The following CTNNA2 variants were observed in gnomAD, a reference collection of about 807,000 sequenced individuals.
CTNNA2 encodes catenin alpha-2.
A neutral mutation model predicts 101.0 loss-of-function variants in CTNNA2; 42 were observed. The observed-to-expected ratio is 0.42, with a 90% CI of 0.32 to 0.54. The LOEUF (loss-of-function observed/expected upper bound fraction) is 0.54. CTNNA2 is among the 20% of genes least tolerant of loss of function. The pLI, the probability that CTNNA2 is intolerant of heterozygous loss-of-function variation, is 0.14. For synonymous variants in CTNNA2, 450 were observed against 456.4 expected (o/e 0.99, Z 0.18); for missense variants, 871 against 1,223.1 (o/e 0.71, Z 4.29).
intron 9 of CTNNA2, among the ~76,000 whole-genome samples, chr2:80,422,371 G>A (rs374216758): frequency 6.6e-6 from 1 of 151,954 alleles, no homozygotes; most frequent in African/African-American, 2.4e-5. Flanking sequence ...TACGACTCAA[G>A]GTGAGATTGA....
In CTNNA2 at chr2:80,053,457, C is replaced by T. The variant is rs75228668; in HGVS notation, c.1056+143660C>T. Among the ~76,000 whole-genome samples the T allele has an allele frequency of 1.7e-3, 254 of 152,284 alleles. 9 individuals carry two copies. In the East Asian group the frequency reaches 0.038, roughly 23 times the overall value. ...GTTTTACAAATGAGGAAAACTGAGA[C>T]GTCAAGTAATTTTGTTACGTGGTGT... On this transcript the variant is annotated intron_variant, in intron 7 of 18. Transcript: ENST00000402739.
chr2:79,875,901 A>G (rs1339496096), intron 6 of CTNNA2, among the ~76,000 whole-genome samples: 1 of 152,188 alleles, frequency 6.6e-6, no homozygotes, highest in African/African-American at 2.4e-5. Context: ...AATATACAAA[A>G]ATCTCTAGAT....
chr2:79,372,672 T>C (rs116230081), intron 3 of CTNNA2, among the ~76,000 whole-genome samples: 1 of 152,132 alleles, frequency 6.6e-6, no homozygotes, highest in Non-Finnish European at 1.5e-5. Context: ...TCAGGACAGA[T>C]CCCTTGAATC....
chr2:80,062,139 A>G (rs1010354909), intron 7 of CTNNA2, among the ~76,000 whole-genome samples: 1 of 152,256 alleles, frequency 6.6e-6, no homozygotes, highest in Non-Finnish European at 1.5e-5. Flanking sequence ...AGAAATGAAC[A>G]GTGATGAATA....
chr2:79,204,544 C>A (rs1298317540), intron 2 of CTNNA2, among the ~76,000 whole-genome samples: 1 of 152,150 alleles, frequency 6.6e-6, no homozygotes, highest in Non-Finnish European at 1.5e-5. Flanking sequence ...TGAAATGAGT[C>A]TTTGAGGAGA....
chr2:80,472,803 G>T (rs140424474), intron 9 of CTNNA2, among the ~76,000 whole-genome samples: 1 of 152,078 alleles, frequency 6.6e-6, no homozygotes, highest in African/African-American at 2.4e-5. Context: ...GAAGGAGACT[G>T]GTTGACACAT....
In CTNNA2 at chr2:79,315,409, C is replaced by T. The variant is rs140920011; in HGVS notation, c.-318+2613C>T. Among the ~76,000 whole-genome samples, 647 of 152,258 alleles carry T rather than the reference C, an allele frequency of 4.2e-3. 5 individuals are homozygous for T. Among genetic ancestry groups the T allele is most frequent in the African/African-American group, 0.015 (617 of 41,562 alleles). ...CCATTAGCAGTCAGTTATTTCTCCT[C>T]ATCTTTATCCAGCCATAAGCAATCA... On this transcript the variant is annotated intron_variant, in intron 3 of 21. Coordinates refer to the CTNNA2 transcript ENST00000466387.
chr2:79,364,682 G>C (rs2104449787), intron 3 of CTNNA2, among the ~76,000 whole-genome samples: 1 of 152,080 alleles, frequency 6.6e-6, no homozygotes, highest in South Asian at 2.1e-4. Flanking sequence ...ATCTTATCTA[G>C]GCTTCACTGA....
At chr2:79,462,366 C>T (rs980370531) in intron 4 of CTNNA2, among the ~76,000 whole-genome samples, 3 of 152,166 alleles carry the variant, frequency 2.0e-5, no homozygotes, top group Non-Finnish European at 4.4e-5. Flanking sequence ...GTGTTCTAGG[C>T]TCTGCCTTCC....
chr2:80,070,699 C>T (rs1161191188), intron 7 of CTNNA2, among the ~76,000 whole-genome samples: 1 of 139,374 alleles, frequency 7.2e-6, no homozygotes, highest in South Asian at 2.4e-4. Context: ...CCTCGGCAAA[C>T]AGAGTGAGAC....
In CTNNA2 at chr2:79,784,413, T is replaced by C. The variant is rs190649176; in HGVS notation, c.298+39831T>C. ...ATTTTATGTAGCAGCTCTACCCTGG[T>C]GACTCTTGCATTTGAACCTTTGCCT... On this transcript the variant is annotated intron_variant, in intron 3 of 18. Transcript: ENST00000402739. 2.6e-3 allele frequency among the ~76,000 whole-genome samples: 401 copies of C among 151,580 alleles called. 2 individuals are homozygous for C. The highest frequency in any genetic ancestry group is 9.2e-3 in the African/African-American group (380 of 41,310).
intron 9 of CTNNA2, among the ~76,000 whole-genome samples, chr2:80,468,655 A>T (rs1685054437): frequency 6.6e-6 from 1 of 152,088 alleles, no homozygotes; most frequent in Non-Finnish European, 1.5e-5. Context: ...TGACCTTGTG[A>T]TCCACCCACC....
chr2:80,543,848 C>G (rs954229045), intron 9 of CTNNA2, among the ~76,000 whole-genome samples: 1 of 152,172 alleles, frequency 6.6e-6, no homozygotes, highest in East Asian at 1.9e-4. Flanking sequence ...AAAAGGCAGG[C>G]GGCCACAAGA....
chr2:79,443,375 G>A (rs1490882488), intron 4 of CTNNA2, among the ~76,000 whole-genome samples: 7 of 152,106 alleles, frequency 4.6e-5, no homozygotes, highest in Non-Finnish European at 8.8e-5. Flanking sequence ...CTCAAGAAGA[G>A]ACAGATAATT....
chr2:79,934,498 G>T (rs1687652101), intron 7 of CTNNA2, among the ~76,000 whole-genome samples: 1 of 152,226 alleles, frequency 6.6e-6, no homozygotes, highest in Non-Finnish European at 1.5e-5. Context: ...GGTCAGAAGA[G>T]CTACTACAGG....
chr2:79,744,610 G>A (rs1671509429), intron 3 of CTNNA2, 28 bp downstream of exon 3: 5 of 1,603,372 alleles, frequency 3.1e-6, no homozygotes, highest in Non-Finnish European at 4.3e-6. Flanking sequence ...ATTGTTCAAG[G>A]CGGATCTATA....
In CTNNA2 at chr2:79,870,679, G is replaced by A. The variant is rs541333554; in HGVS notation, c.585+744G>A. Among the ~76,000 whole-genome samples the A allele has an allele frequency of 9.9e-4, 151 of 152,274 alleles. 2 individuals are homozygous for A. The highest frequency in any genetic ancestry group is 1.6e-3 in the Non-Finnish European group (112 of 68,024). Reference sequence around the variant, plus strand: ...TTCCACATGGGTGGGGAGGCCTCAGGAAACTTACAATCATGGTGGAAGGGG... The same window carrying A: ...TTCCACATGGGTGGGGAGGCCTCAGAAAACTTACAATCATGGTGGAAGGGG... On this transcript the variant is annotated intron_variant, in intron 5 of 18. Transcript: ENST00000402739.
intron 9 of CTNNA2, among the ~76,000 whole-genome samples, chr2:80,540,505 G>A (rs1200765850): frequency 6.6e-6 from 1 of 151,492 alleles, no homozygotes; most frequent in East Asian, 2.0e-4. Context: ...GCTGAGACAG[G>A]AGAATCACTT....
chr2:79,574,443 C>T (rs947455133), intron 1 of CTNNA2, among the ~76,000 whole-genome samples: 7 of 152,118 alleles, frequency 4.6e-5, no homozygotes, highest in African/African-American at 1.7e-4. Context: ...TGTTTAACTA[C>T]CACTTTTAAG....
Sources: gnomAD v4.1 joint callset for allele counts (sites outside exome capture counted in the v4.1 genomes callset) on GRCh38, gnomAD v4.1.1 for gene constraint, MANE v1.5 for transcripts, NCBI Gene and HGNC (gene_info 2026-07-23, HGNC 2026-07-21) for gene names.